OTUD7B: variants seen among roughly 807,000 people sequenced by gnomAD.
OTUD7B encodes the protein OTU domain-containing protein 7B.
Under a neutral mutation model 82.2 loss-of-function variants are expected in OTUD7B, and 34 were observed. That is an observed-to-expected ratio of 0.41 (90% CI 0.31 to 0.55). The LOEUF (loss-of-function observed/expected upper bound fraction) is 0.55, where lower values mean the gene tolerates loss of function less well. Ranked by LOEUF, OTUD7B falls within the 20% of genes least tolerant of loss-of-function variation. The pLI, the probability that OTUD7B is intolerant of heterozygous loss-of-function variation, is 0.20. For missense variants in OTUD7B, 944 were observed against 1,062.1 expected, an observed-to-expected ratio of 0.89 and a Z score of 1.55; for synonymous variants, 398 against 402.7, an observed-to-expected ratio of 0.99 and a Z score of 0.14.
the OTUD7B span, among the ~76,000 whole-genome samples, chr1:150,022,426 A>AAAAAAAAT: frequency 4.0e-5 from 4 of 100,826 alleles, no homozygotes; most frequent in Admixed American, 1.1e-4. Context: ...AAAAAAAATA[A>AAAAAAAAT]CTACATGCTG....
chr1:149,959,770 T>C lies in OTUD7B; in HGVS notation c.759A>G (p.Glu253=). The C allele has an allele frequency of 6.2e-7, 1 of 1,613,904 alleles. No individual in the cohort carries two copies. Among genetic ancestry groups the C allele is most frequent in the Non-Finnish European group, 8.5e-7 (1 of 1,179,776 alleles). The change falls in exon 7 of 12, where the codon GAA becomes GAG. Residue 253 remains glutamate, a synonymous_variant. Transcript: ENST00000581312. ...KESGLVYTED[E]WQKEWNELIK... ...TCAGTTCATTCCACTCCTTCTGCCA[T>C]TCATCTTCTGTGTATACCAGCCCTG...
chr1:150,059,494 C>T, the OTUD7B span, among the ~76,000 whole-genome samples: 16,072 of 151,348 alleles, frequency 0.11, 1,196 homozygotes, highest in Non-Finnish European at 0.17. Context: ...CTCAGCCTCC[C>T]GAGTAGCTGG....
At chr1:149,967,862 T>C (rs1649621620) in intron 3 of OTUD7B, among the ~76,000 whole-genome samples, 1 of 152,058 alleles carries the variant, frequency 6.6e-6, no homozygotes. Context: ...CATTGTTTGG[T>C]GGGAGGAGAG....
At chr1:150,025,006 C>T in the OTUD7B span, among the ~76,000 whole-genome samples, 1 of 151,952 alleles carries the variant, frequency 6.6e-6, no homozygotes, top group East Asian at 1.9e-4. Flanking sequence ...TGAGATCACA[C>T]CACTGCACTC....
the OTUD7B span, chr1:150,050,380 A>G: frequency 6.6e-6 from 1 of 152,212 alleles, no homozygotes; most frequent in Admixed American, 6.5e-5. Flanking sequence ...ATGCACAGAA[A>G]GTACTTAGCA....
intron 4 of OTUD7B, 44 bp from the exon 5 acceptor site, chr1:149,965,922 G>A: frequency 6.6e-7 from 1 of 1,504,912 alleles, no homozygotes; most frequent in Non-Finnish European, 9.2e-7. Flanking sequence ...TATCCATGAA[G>A]CCCTTCCACC....
intron 1 of OTUD7B, among the ~76,000 whole-genome samples, chr1:149,989,298 C>T (rs931840578): frequency 6.6e-6 from 1 of 151,836 alleles, no homozygotes; most frequent in Non-Finnish European, 1.5e-5. Context: ...CACAGTGAAA[C>T]CCTGTCTTCA....
At position 150,000,919 on chromosome 1, in the gene OTUD7B, C is replaced by A. The variant is rs587619361; in HGVS notation, c.-67+9529G>T. Among the ~76,000 whole-genome samples, 3 of 152,174 alleles carry A rather than the reference C, an allele frequency of 2.0e-5. No individual in the cohort carries two copies. In the South Asian group the frequency reaches 6.2e-4, roughly 32 times the overall value. On this transcript the variant is annotated intron_variant, in intron 1 of 11. Coordinates refer to ENST00000581312, the MANE Select transcript of OTUD7B (RefSeq NM_020205.4). ...GCTTGAACCCGGGAGGCAGAGGTTG[C>A]AGTGAGCAGAGATCGTGCCACTGCA...
intron 7 of OTUD7B, among the ~76,000 whole-genome samples, chr1:149,950,778 G>C (rs1362247598): frequency 8.8e-3 from 2 of 226 alleles, no homozygotes. Context: ...TCCATCTCCC[G>C]TGTGTTTTTT....
intron 1 of OTUD7B, among the ~76,000 whole-genome samples, chr1:150,009,142 T>C (rs1652859941): frequency 6.6e-6 from 1 of 152,232 alleles, no homozygotes; most frequent in East Asian, 1.9e-4. Context: ...TTGTAAGTTA[T>C]ACACAGCAAA....
the OTUD7B span, among the ~76,000 whole-genome samples, chr1:150,020,763 A>G: frequency 6.6e-6 from 1 of 152,242 alleles, no homozygotes; most frequent in African/African-American, 2.4e-5. Flanking sequence ...CTACTGATTT[A>G]TCTTGAAAAT....
intron 1 of OTUD7B, among the ~76,000 whole-genome samples, chr1:149,998,234 A>G (rs906499425): frequency 4.6e-5 from 7 of 152,158 alleles, no homozygotes; most frequent in South Asian, 2.1e-4. Flanking sequence ...CTGGACTATT[A>G]TAACAGTCCT....
At chr1:149,980,665 T>C (rs1650654190) in intron 1 of OTUD7B, among the ~76,000 whole-genome samples, 1 of 151,170 alleles carries the variant, frequency 6.6e-6, no homozygotes, top group Admixed American at 6.6e-5. Context: ...TGAGCTGAGA[T>C]GGCACCACTG....
the OTUD7B span, among the ~76,000 whole-genome samples, chr1:150,038,692 T>C: frequency 6.6e-6 from 1 of 152,234 alleles, no homozygotes; most frequent in African/African-American, 2.4e-5. Context: ...CAGCCTAAGT[T>C]GTTATTCTTA....
chr1:150,041,927 A>G, the OTUD7B span, among the ~76,000 whole-genome samples: 10 of 150,346 alleles, frequency 6.7e-5, no homozygotes, highest in Admixed American at 4.6e-4. Context: ...CTAAAGCTAT[A>G]CATCTTCTTT....
At chr1:149,988,244 C>T (rs868969532) in intron 1 of OTUD7B, among the ~76,000 whole-genome samples, 11 of 151,890 alleles carry the variant, frequency 7.2e-5, no homozygotes, top group Non-Finnish European at 1.2e-4. Flanking sequence ...ACTCCCAAAA[C>T]AATTTATTTG....
At chr1:150,025,432 A>AACAC in the OTUD7B span, among the ~76,000 whole-genome samples, 3,708 of 146,954 alleles carry the variant, frequency 0.025, 50 homozygotes, top group Non-Finnish European at 0.037. Context: ...AAGCAAACAA[A>AACAC]ACACACACAC....
At chr1:149,948,709 T>A (rs1553772664) in intron 10 of OTUD7B, among the ~76,000 whole-genome samples, 1 of 152,130 alleles carries the variant, frequency 6.6e-6, no homozygotes, top group East Asian at 1.9e-4. Flanking sequence ...TAGAGATGAA[T>A]CAGTGTATGA....
chr1:149,950,786 T>G (rs1553773202), intron 7 of OTUD7B, among the ~76,000 whole-genome samples: 1 of 414 alleles, frequency 2.4e-3, no homozygotes, highest in African/African-American at 4.3e-3. Context: ...CCGTGTGTTT[T>G]TTGTTTTTTT....
Sources: allele counts gnomAD v4.1 joint callset (sites outside exome capture counted in the v4.1 genomes callset), GRCh38; gene constraint gnomAD v4.1.1; transcripts MANE v1.5; gene names NCBI Gene and HGNC (gene_info 2026-07-23, HGNC 2026-07-21).